SPIDR: variants seen among roughly 807,000 people sequenced by gnomAD.
SPIDR encodes DNA repair-scaffolding protein.
In SPIDR, 93 loss-of-function variants were observed where a neutral mutation model predicts 104.6. The observed-to-expected ratio is 0.89, with a 90% CI of 0.75 to 1.06. The LOEUF is 1.06. Among genes scored for constraint, SPIDR ranks in the 50% least tolerant of loss-of-function variants. The pLI, the probability that SPIDR is intolerant of heterozygous loss-of-function variation, is 0.00. For missense variants in SPIDR, 1,154 were observed against 1,111.2 expected, an observed-to-expected ratio of 1.04 and a Z score of -0.55; for synonymous variants, 431 against 416.9, an observed-to-expected ratio of 1.03 and a Z score of -0.41.
chr8:47,728,868 C>T, intron 17 of SPIDR, 65 bp from the exon 18 acceptor site: 2 of 1,532,710 alleles, frequency 1.3e-6, no homozygotes, highest in Non-Finnish European at 1.8e-6. Flanking sequence ...AAAATGTCTC[C>T]CACTGGAGCT....
At chr8:47,716,502 G>A (rs1333624033) in intron 16 of SPIDR, among the ~76,000 whole-genome samples, 2 of 152,122 alleles carry the variant, frequency 1.3e-5, no homozygotes, top group African/African-American at 4.8e-5. Flanking sequence ...TGGGTCATAT[G>A]GGGCCTCCAT....
At chr8:47,716,073 TC>T (rs2082548807) in intron 16 of SPIDR, among the ~76,000 whole-genome samples, 1 of 150,546 alleles carries the variant, frequency 6.6e-6, no homozygotes, top group Admixed American at 6.6e-5. Flanking sequence ...CAAGAGAATC[TC>T]CTGCCTCAGC....
chr8:47,311,492 A>C (rs2044144873), intron 5 of SPIDR, among the ~76,000 whole-genome samples: 1 of 152,204 alleles, frequency 6.6e-6, no homozygotes, highest in Non-Finnish European at 1.5e-5. Flanking sequence ...ATAACACTTA[A>C]GTACATTATA....
chr8:47,584,726 T>A (rs1352568411), intron 8 of SPIDR, among the ~76,000 whole-genome samples: 1 of 152,192 alleles, frequency 6.6e-6, no homozygotes, highest in Non-Finnish European at 1.5e-5. Flanking sequence ...CTTTAAAAAA[T>A]TAACTTGAAT....
At chr8:47,711,864 T>C (rs1290013204) in intron 14 of SPIDR, among the ~76,000 whole-genome samples, 4 of 152,226 alleles carry the variant, frequency 2.6e-5, no homozygotes, top group Non-Finnish European at 5.9e-5. Context: ...CCTGACAATG[T>C]AGGCCACTTC....
intron 6 of SPIDR, among the ~76,000 whole-genome samples, chr8:47,406,632 GTATT>G (rs1216132316): frequency 1.3e-5 from 2 of 152,140 alleles, no homozygotes; most frequent in Admixed American, 1.3e-4. Flanking sequence ...GCAATATTAT[GTATT>G]TATTAAAATA....
At chr8:47,628,022 A>G (rs1170251982) in intron 10 of SPIDR, among the ~76,000 whole-genome samples, 1 of 152,112 alleles carries the variant, frequency 6.6e-6, no homozygotes, top group Non-Finnish European at 1.5e-5. Context: ...ACATGAACTC[A>G]CTCATTCTGT....
intron 10 of SPIDR, among the ~76,000 whole-genome samples, chr8:47,621,860 G>A (rs2065218374): frequency 6.6e-6 from 1 of 152,192 alleles, no homozygotes; most frequent in Non-Finnish European, 1.5e-5. Flanking sequence ...AGCTACTCAG[G>A]AGGCTGAGGC....
chr8:47,368,598 G>C (rs1183567771), intron 5 of SPIDR, among the ~76,000 whole-genome samples: 1 of 152,114 alleles, frequency 6.6e-6, no homozygotes, highest in African/African-American at 2.4e-5. Flanking sequence ...CAATGCGCAT[G>C]TCTTTTCTGC....
At chr8:47,350,079 C>T (rs1165241664) in intron 5 of SPIDR, among the ~76,000 whole-genome samples, 1 of 152,220 alleles carries the variant, frequency 6.6e-6, no homozygotes, top group African/African-American at 2.4e-5. Context: ...TAGACTGGAG[C>T]TGTTCCTATT....
upstream of SPIDR, chr8:47,260,936 G>A (rs896032146): frequency 1.5e-5 from 19 of 1,227,044 alleles, no homozygotes; most frequent in East Asian, 1.6e-4. Context: ...AGGAGGCGGT[G>A]CGCTCAGGCG....
chr8:47,320,913 ACT>A (rs2046432579), intron 5 of SPIDR, among the ~76,000 whole-genome samples: 1 of 152,018 alleles, frequency 6.6e-6, no homozygotes, highest in Non-Finnish European at 1.5e-5. Flanking sequence ...CATGCTAAAA[ACT>A]CTCAATAAAT....
intron 8 of SPIDR, among the ~76,000 whole-genome samples, chr8:47,524,973 A>T (rs2084751240): frequency 1.3e-5 from 2 of 152,158 alleles, no homozygotes; most frequent in Non-Finnish European, 1.5e-5. Context: ...AAAGGACTTC[A>T]TGAAAGGTGT....
At chr8:47,502,323 T>C (rs1353535234) in intron 8 of SPIDR, among the ~76,000 whole-genome samples, 10 of 152,168 alleles carry the variant, frequency 6.6e-5, no homozygotes, top group Admixed American at 6.5e-4. Flanking sequence ...TCAGAGCCTG[T>C]TATTGGTCTA....
chr8:47,316,292 A>G (rs1265063730), intron 5 of SPIDR, among the ~76,000 whole-genome samples: 1 of 152,236 alleles, frequency 6.6e-6, no homozygotes, highest in African/African-American at 2.4e-5. Context: ...GAGTAATACT[A>G]CCATATATGT....
chr8:47,487,521 G>T (rs1322672043), intron 8 of SPIDR, among the ~76,000 whole-genome samples: 1 of 152,166 alleles, frequency 6.6e-6, no homozygotes, highest in African/African-American at 2.4e-5. Flanking sequence ...GACATCTACA[G>T]AACTCTCCAC....
intron 8 of SPIDR, among the ~76,000 whole-genome samples, chr8:47,563,352 T>C (rs1264904359): frequency 2.0e-5 from 3 of 152,068 alleles, no homozygotes; most frequent in African/African-American, 7.2e-5. Context: ...CTTTTTTTTT[T>C]AGTAGAGATG....
intron 5 of SPIDR, among the ~76,000 whole-genome samples, chr8:47,364,440 A>T (rs1205319160): frequency 1.3e-5 from 2 of 152,212 alleles, no homozygotes; most frequent in African/African-American, 4.8e-5. Context: ...TGTTCCAAGA[A>T]GTGTTTTTGA....
intron 8 of SPIDR, among the ~76,000 whole-genome samples, chr8:47,495,780 T>G (rs2079355660): frequency 6.6e-6 from 1 of 152,174 alleles, no homozygotes; most frequent in Non-Finnish European, 1.5e-5. Context: ...GCACCATTTT[T>G]GAAAATATAA....
Sources: gnomAD v4.1 joint callset for allele counts (sites outside exome capture counted in the v4.1 genomes callset) on GRCh38, gnomAD v4.1.1 for gene constraint, MANE v1.5 for transcripts, NCBI Gene and HGNC (gene_info 2026-07-23, HGNC 2026-07-21) for gene names.